The following CRISP3 variants were observed in gnomAD, a reference collection of about 807,000 sequenced individuals.
CRISP3 encodes cysteine rich secretory protein 3.
CRISP3 carries 33 observed loss-of-function variants against 36.1 expected under a neutral mutation model. The observed-to-expected ratio is 0.91, with a 90% CI of 0.69 to 1.22. The LOEUF is 1.22. CRISP3 is among the 50% of genes most tolerant of loss of function. The pLI, the probability that CRISP3 is intolerant of heterozygous loss-of-function variation, is 0.00. For missense variants in CRISP3, 330 were observed against 301.2 expected (o/e 1.10, Z -0.71); for synonymous variants, 117 against 104.6 (o/e 1.12, Z -0.72).
chr6:49,728,934 A>G, intron 7 of CRISP3, 77 bp from the exon 8 acceptor site: 3 of 1,402,142 alleles, frequency 2.1e-6, no homozygotes, highest in Admixed American at 1.9e-5. Flanking sequence ...AACATTCTAT[A>G]TGAACGGAGA....
At chr6:49,743,588 A>G (rs368899920) in intron 1 of CRISP3, among the ~76,000 whole-genome samples, 6 of 152,142 alleles carry the variant, frequency 3.9e-5, no homozygotes, top group Non-Finnish European at 5.9e-5. Context: ...AACCCCTTTC[A>G]TGTTGTCATT....
chr6:49,733,647 A>C, intron 5 of CRISP3, 56 bp downstream of exon 5: 1 of 1,527,882 alleles, frequency 6.5e-7, no homozygotes, highest in East Asian at 2.3e-5. Flanking sequence ...AATTTGAAGA[A>C]TCCTTTTTTT....
In CRISP3 at chr6:49,727,581, G is replaced by GT. The variant is rs1768796637; in HGVS notation, c.*1148dup. ...TCCAGATTCTATTCAGACTTCATCAGTTTTTTCATTACTGATCTTTTTCTG... is the reference window on the plus strand; with the variant it reads ...TCCAGATTCTATTCAGACTTCATCAGTTTTTTTCATTACTGATCTTTTTCTG... On this transcript the variant is annotated 3_prime_UTR_variant, in exon 8 of 8. Transcript: ENST00000263045. 1 of 152,024 alleles carries GT rather than the reference G, an allele frequency of 6.6e-6. No individual in the cohort carries two copies. The highest frequency in any genetic ancestry group is 6.5e-5 in the Admixed American group (1 of 15,272). 9.4% of individuals were successfully genotyped at this position (152,024 alleles called of 1,614,324 possible).
intron 5 of CRISP3, 53 bp from the exon 6 acceptor site, chr6:49,733,345 CA>C: frequency 1.7e-6 from 2 of 1,186,220 alleles, no homozygotes; most frequent in South Asian, 2.9e-5. Flanking sequence ...AAGGAAATAC[CA>C]AAAAACAAAT....
rs745899022 is a variant in CRISP3 at position 49,737,455 on chromosome 6, G to T, written c.38-57C>A. ...TGCATTAAAATGATTGGTACATGCT[G>T]TTGAGTAACATGGGGGTGGGAGAAA... On this transcript the variant is annotated intron_variant, in intron 1 of 7. Coordinates refer to ENST00000263045, the MANE Select transcript of CRISP3 (RefSeq NM_006061.4). The T allele has an allele frequency of 8.2e-6, 13 of 1,582,892 alleles. No homozygotes were observed. The East Asian group carries it at 2.7e-4, about 33-fold the overall frequency.
intron 1 of CRISP3, 138 bp from the exon 2 acceptor site, chr6:49,737,536 C>T: frequency 4.7e-6 from 4 of 844,854 alleles, no homozygotes; most frequent in Non-Finnish European, 7.6e-6. Context: ...GAAGACTTGT[C>T]ACATGGAGCC....
At chr6:49,744,299 G>A (rs1309263446) in intron 1 of CRISP3, 32 bp downstream of exon 1, 9 of 1,445,060 alleles carry the variant, frequency 6.2e-6, no homozygotes, top group Non-Finnish European at 9.4e-7. Flanking sequence ...AATAAATAAT[G>A]TTCACCTTGA....
intron 1 of CRISP3, among the ~76,000 whole-genome samples, chr6:49,737,877 C>T (rs1769099473): frequency 1.3e-5 from 2 of 152,160 alleles, no homozygotes; most frequent in Non-Finnish European, 2.9e-5. Flanking sequence ...TTAGCATGTG[C>T]CAGTTCTTTT....
At chr6:49,741,902 T>C (rs1769214530) in intron 1 of CRISP3, among the ~76,000 whole-genome samples, 1 of 147,500 alleles carries the variant, frequency 6.8e-6, no homozygotes, top group African/African-American at 2.5e-5. Flanking sequence ...ATAAAATATA[T>C]TATTATATAT....
intron 4 of CRISP3, among the ~76,000 whole-genome samples, chr6:49,734,646 A>G (rs891111187): frequency 6.6e-6 from 1 of 152,182 alleles, no homozygotes; most frequent in African/African-American, 2.4e-5. Context: ...GGGATTTTCA[A>G]GACCATTTCT....
At chr6:49,741,151 CAA>C (rs10616289) in intron 1 of CRISP3, among the ~76,000 whole-genome samples, 73,183 of 134,892 alleles carry the variant, frequency 0.54, 19,866 homozygotes, top group Middle Eastern at 0.68. Flanking sequence ...AAAAAACCAC[CAA>C]AAAAAAAAAA....
chr6:49,737,065 TA>T (rs552614661), intron 2 of CRISP3, among the ~76,000 whole-genome samples: 21 of 151,958 alleles, frequency 1.4e-4, no homozygotes, highest in African/African-American at 5.1e-4. Flanking sequence ...TTTACCACAT[TA>T]AAAAAAATCT....
At chr6:49,733,966 AC>A in intron 4 of CRISP3, 118 bp from the exon 5 acceptor site, 1 of 806,298 alleles carries the variant, frequency 1.2e-6, no homozygotes. Flanking sequence ...AGTCCCCAGT[AC>A]CCACCGTTAA....
At chr6:49,732,251 T>C (rs1367563968) in intron 6 of CRISP3, among the ~76,000 whole-genome samples, 1 of 152,184 alleles carries the variant, frequency 6.6e-6, no homozygotes, top group Non-Finnish European at 1.5e-5. Flanking sequence ...GGAGGCAGTC[T>C]CCCAGGGTCT....
At position 49,728,760 on chromosome 6, in the gene CRISP3, G is replaced by T. The variant is rs488132; in HGVS notation, c.747C>A (p.Ala249=). The stretch of plus-strand genomic sequence containing the variant: ...AAATGCTGTTTGAACAATTGCAGGA[G>T]GCCTTGCAACTGTCCCTGACCAACT... ...KHQLVRDSCK[A]SCNCSNSIY is the part of the protein sequence containing the mutation. The change falls in exon 8 of 8, where the codon GCC becomes GCA. Residue 249 remains alanine (A), a synonymous_variant. Coordinates refer to ENST00000263045, the MANE Select transcript of CRISP3 (RefSeq NM_006061.4). 192,765 of 1,610,518 alleles carry T rather than the reference G, an allele frequency of 0.12. 12,511 individuals carry two copies. Among genetic ancestry groups the T allele is most frequent in the African/African-American group, 0.2 (15,139 of 74,882 alleles).
At chr6:49,738,036 TA>T (rs1457028749) in intron 1 of CRISP3, among the ~76,000 whole-genome samples, 2 of 152,168 alleles carry the variant, frequency 1.3e-5, no homozygotes, top group Non-Finnish European at 2.9e-5. Context: ...AAACTTTCTT[TA>T]ATACCATGCC....
chr6:49,742,523 TGGGGA>T (rs1769231329), intron 1 of CRISP3, among the ~76,000 whole-genome samples: 1 of 146,110 alleles, frequency 6.8e-6, no homozygotes, highest in Non-Finnish European at 1.5e-5. Flanking sequence ...TCCCAGCTAC[TGGGGA>T]GGCTGAGGCA....
At position 49,727,458 on chromosome 6, in the gene CRISP3, A is replaced by G. The variant is rs1023349395; in HGVS notation, c.*1272T>C. ...GTAAGATAGTACAGAGAATTCCTAG[A>G]TAGCCCTCACCCAGTTTCAGTTTCT... On this transcript the variant is annotated 3_prime_UTR_variant, in exon 8 of 8. Transcript: ENST00000263045. 4.6e-5 allele frequency: 7 copies of G among 152,112 alleles called. No homozygotes were observed. Among genetic ancestry groups the G allele is most frequent in the Non-Finnish European group, 1.0e-4 (7 of 67,968 alleles). The allele number at this position is 152,112 out of a possible 1,614,324, so 9.4% of individuals were successfully genotyped here.
chr6:49,737,804 T>A (rs1769097566), intron 1 of CRISP3, among the ~76,000 whole-genome samples: 1 of 152,230 alleles, frequency 6.6e-6, no homozygotes, highest in African/African-American at 2.4e-5. Context: ...CCTTGCTGAT[T>A]TCCTTAAGTG....
Sources: gnomAD v4.1 joint callset for allele counts (sites outside exome capture counted in the v4.1 genomes callset) on GRCh38, gnomAD v4.1.1 for gene constraint, MANE v1.5 for transcripts, NCBI Gene and HGNC (gene_info 2026-07-23, HGNC 2026-07-21) for gene names.